Variants in MAGED1 observed in about 807,000 individuals in gnomAD.
The protein encoded by MAGED1 is MAGE family member D1.
In MAGED1, 3 loss-of-function variants were observed where a neutral mutation model predicts 54.1. The observed-to-expected ratio is 0.06, with a 90% CI of 0.03 to 0.14. The LOEUF (loss-of-function observed/expected upper bound fraction) is 0.14, where lower values mean the gene tolerates loss of function less well. Among genes scored for constraint, MAGED1 ranks in the 10% least tolerant of loss-of-function variants. MAGED1 has a pLI of 1.00. For missense variants in MAGED1, 485 were observed against 623.4 expected, an observed-to-expected ratio of 0.78 and a Z score of 2.36; for synonymous variants, 217 against 227.3, an observed-to-expected ratio of 0.95 and a Z score of 0.41.
chrX:51,882,090 T>A (rs1470650821), intron 1 of MAGED1, among the ~76,000 whole-genome samples: 2 of 112,201 alleles, frequency 1.8e-5, no homozygotes, highest in Non-Finnish European at 3.8e-5. Flanking sequence ...AAAAAGAGGC[T>A]ATTAAATATG....
chrX:51,874,385 A>G (rs1927795933), intron 1 of MAGED1, among the ~76,000 whole-genome samples: 1 of 111,518 alleles, frequency 9.0e-6, no homozygotes, highest in Admixed American at 9.5e-5. Context: ...ACCAGAAGAC[A>G]GATTCAGAAT....
Position 51,897,860 on chromosome X carries a change from C to T in MAGED1, c.1632C>T (p.Pro544=), listed in dbSNP as rs150589159. ...EEHLYILIST[P]ESLAGILGTT... is the part of the protein sequence containing the mutation. The stretch of plus-strand genomic sequence containing the variant: ...ACCTGTATATTCTCATCAGTACCCC[C>T]GAGTCCCTGGCTGGCATACTGGGAA... Residue 544 remains proline (P), a synonymous_variant, in exon 7 of 13, where the codon CCC becomes CCT. Coordinates refer to ENST00000326587, the MANE Select transcript of MAGED1 (RefSeq NM_006986.4). 6.2e-5 allele frequency: 75 copies of T among 1,201,488 alleles called. No homozygotes were observed. The African/African-American group carries it at 8.5e-4, about 14-fold the overall frequency.
intron 1 of MAGED1, 51 bp from the exon 2 acceptor site, chrX:51,894,218 G>A: frequency 1.4e-6 from 1 of 715,926 alleles, no homozygotes; most frequent in Non-Finnish European, 2.2e-6. Flanking sequence ...CTCCCAATTA[G>A]GTCCTTCGTA....
At chrX:51,872,286 T>C (rs1487169748) in intron 1 of MAGED1, among the ~76,000 whole-genome samples, 2 of 111,947 alleles carry the variant, frequency 1.8e-5, no homozygotes, top group Non-Finnish European at 3.8e-5. Context: ...TTTAATTAGA[T>C]CCCATTTGTC....
rs1557364608 is a variant in MAGED1 at position 51,898,695 on chromosome X, C to T, written c.1844+52C>T. On this transcript the variant is annotated intron_variant, in intron 10 of 12. Transcript: ENST00000326587. The stretch of plus-strand genomic sequence containing the variant: ...TGCTTCTTATGATTCTGCCTGTGTG[C>T]TGGTCAGCTTTAGAAAGCCCTTCCT... The T allele has an allele frequency of 3.7e-5, 41 of 1,096,520 alleles. 1 individual carries two copies. Among genetic ancestry groups the T allele is most frequent in the Non-Finnish European group, 5.1e-5 (41 of 809,242 alleles). 90.4% of individuals were successfully genotyped at this position (1,096,520 alleles called of 1,213,427 possible). A position where few individuals can be genotyped will look rare whatever the true frequency, so the allele number is the denominator to read the frequency against.
intron 1 of MAGED1, among the ~76,000 whole-genome samples, chrX:51,817,357 G>A (rs1168774668): frequency 7.2e-5 from 8 of 111,778 alleles, no homozygotes; most frequent in African/African-American, 2.6e-4. Context: ...GCACCTAATG[G>A]TGGATTACCA....
At chrX:51,817,455 A>T (rs1277185199) in intron 1 of MAGED1, among the ~76,000 whole-genome samples, 3 of 111,722 alleles carry the variant, frequency 2.7e-5, no homozygotes, top group Non-Finnish European at 5.6e-5. Context: ...TGACTGGTAA[A>T]TATTTTGCTA....
At chrX:51,863,424 A>G (rs1271510312) in intron 1 of MAGED1, among the ~76,000 whole-genome samples, 1 of 112,138 alleles carries the variant, frequency 8.9e-6, no homozygotes, top group Non-Finnish European at 1.9e-5. Context: ...CTATTGCTAA[A>G]AATGCAGCAA....
At chrX:51,860,927 G>A (rs1171247918) in intron 1 of MAGED1, among the ~76,000 whole-genome samples, 1 of 110,972 alleles carries the variant, frequency 9.0e-6, no homozygotes, top group East Asian at 2.8e-4. Context: ...CTTGTCTTCA[G>A]TCTTCCAGGT....
chrX:51,824,860 AC>A (rs1443466243), intron 1 of MAGED1, among the ~76,000 whole-genome samples: 1 of 52,023 alleles, frequency 1.9e-5, no homozygotes, highest in African/African-American at 9.3e-5. Flanking sequence ...AGTCTCAGAA[AC>A]CTGTGTGTGT....
At chrX:51,809,463 C>T (rs919886246) in intron 1 of MAGED1, among the ~76,000 whole-genome samples, 1 of 111,707 alleles carries the variant, frequency 9.0e-6, no homozygotes, top group Non-Finnish European at 1.9e-5. Context: ...CAAGAAACTA[C>T]GTCATTAGTT....
chrX:51,841,063 T>C (rs1393023278), intron 1 of MAGED1, among the ~76,000 whole-genome samples: 2 of 105,538 alleles, frequency 1.9e-5, no homozygotes, highest in African/African-American at 3.5e-5. Context: ...AGTGTAAAAG[T>C]GTTCCTATTT....
chrX:51,805,096 T>C (rs1436323650), intron 1 of MAGED1, among the ~76,000 whole-genome samples: 1 of 111,900 alleles, frequency 8.9e-6, no homozygotes, highest in Non-Finnish European at 1.9e-5. Context: ...GGAAGACATA[T>C]CACTATCTCC....
Position 51,894,288 on chromosome X carries a change from C to T in MAGED1, c.-17C>T. The T allele has an allele frequency of 8.4e-7, 1 of 1,193,308 alleles. No individual in the cohort carries two copies. The highest frequency in any genetic ancestry group is 1.1e-6 in the Non-Finnish European group (1 of 884,487). ...CCACAGCCCCCAGGCTCCGCTCTTG[C>T]CAGAGGGACAGGAGCCATGGCTCAG... is the stretch of plus-strand genomic sequence containing the variant. On this transcript the variant is annotated 5_prime_UTR_variant, in exon 2 of 13. Coordinates refer to ENST00000326587, the MANE Select transcript of MAGED1 (RefSeq NM_006986.4).
At chrX:51,862,233 T>G (rs1461051939) in intron 1 of MAGED1, among the ~76,000 whole-genome samples, 1 of 111,775 alleles carries the variant, frequency 8.9e-6, no homozygotes, top group Non-Finnish European at 1.9e-5. Flanking sequence ...TCTGGAAAGT[T>G]TTATTATTTC....
intron 1 of MAGED1, among the ~76,000 whole-genome samples, chrX:51,875,929 C>T (rs782697950): frequency 9.0e-6 from 1 of 111,576 alleles, no homozygotes; most frequent in South Asian, 3.8e-4. Context: ...GATTGGTTCC[C>T]AGCCAGGGGG....
At chrX:51,815,138 G>T (rs997721455) in intron 1 of MAGED1, among the ~76,000 whole-genome samples, 6 of 108,419 alleles carry the variant, frequency 5.5e-5, no homozygotes, top group African/African-American at 1.7e-4. Context: ...GTGAGACCCT[G>T]TCTCAAAAAA....
At chrX:51,897,132 A>G in intron 4 of MAGED1, 55 bp downstream of exon 4, 30 of 1,192,833 alleles carry the variant, frequency 2.5e-5, no homozygotes, top group Non-Finnish European at 3.4e-5. Context: ...TTTCTTTGTC[A>G]TCCTCTCATC....
At chrX:51,887,070 A>G (rs1338780703) in intron 1 of MAGED1, among the ~76,000 whole-genome samples, 16 of 85,642 alleles carry the variant, frequency 1.9e-4, no homozygotes, top group African/African-American at 6.5e-4. Context: ...CAAAGAAGAA[A>G]AAAAAGAGAA....
Sources: allele counts gnomAD v4.1 joint callset (sites outside exome capture counted in the v4.1 genomes callset), GRCh38; gene constraint gnomAD v4.1.1; transcripts MANE v1.5; gene names NCBI Gene and HGNC (gene_info 2026-07-23, HGNC 2026-07-21).